The following MYT1L variants were observed in gnomAD, a reference collection of about 807,000 sequenced individuals.
MYT1L encodes the protein myelin transcription factor 1-like protein.
MYT1L carries 12 observed loss-of-function variants against 126.7 expected under a neutral mutation model. That is an observed-to-expected ratio of 0.09 (90% CI 0.06 to 0.15). The LOEUF is 0.15. Ranked by LOEUF, MYT1L falls within the 10% of genes least tolerant of loss-of-function variation. MYT1L has a pLI of 1.00. For synonymous variants in MYT1L, 541 were observed against 604.2 expected, an observed-to-expected ratio of 0.90 and a Z score of 1.53; for missense variants, 979 against 1,585.2, an observed-to-expected ratio of 0.62 and a Z score of 6.49.
chr2:1,991,921 T>C (rs1401640756), intron 5 of MYT1L, among the ~76,000 whole-genome samples: 1 of 152,134 alleles, frequency 6.6e-6, no homozygotes, highest in East Asian at 1.9e-4. Flanking sequence ...CCTGGTCCTT[T>C]CACCTCTCAG....
At chr2:2,070,397 G>T (rs901601556) in intron 3 of MYT1L, among the ~76,000 whole-genome samples, 1 of 152,180 alleles carries the variant, frequency 6.6e-6, no homozygotes, top group Admixed American at 6.5e-5. Context: ...TCAGGGTGGG[G>T]GAAGCCACTC....
intron 21 of MYT1L, among the ~76,000 whole-genome samples, chr2:1,815,333 C>T (rs2037453691): frequency 6.6e-6 from 1 of 152,190 alleles, no homozygotes; most frequent in Non-Finnish European, 1.5e-5. Flanking sequence ...AGGCCCCTTC[C>T]CCATCCTCTC....
chr2:2,307,661 C>A (rs965399063), intron 1 of MYT1L, among the ~76,000 whole-genome samples: 2 of 152,032 alleles, frequency 1.3e-5, no homozygotes, highest in Non-Finnish European at 2.9e-5. Flanking sequence ...GTACACTCTA[C>A]CTATACTCCA....
At chr2:2,291,690 G>A (rs926007815) in intron 1 of MYT1L, among the ~76,000 whole-genome samples, 6 of 152,234 alleles carry the variant, frequency 3.9e-5, no homozygotes, top group African/African-American at 1.4e-4. Flanking sequence ...GCGTACGCTG[G>A]GTGCGGTTGC....
chr2:2,281,274 A>G (rs2095442954), intron 2 of MYT1L, among the ~76,000 whole-genome samples: 1 of 152,194 alleles, frequency 6.6e-6, no homozygotes, highest in Admixed American at 6.5e-5. Flanking sequence ...AGACCTCCCA[A>G]GCCATGCAGA....
At chr2:2,099,344 G>T (rs200702221) in intron 3 of MYT1L, among the ~76,000 whole-genome samples, 3 of 144,490 alleles carry the variant, frequency 2.1e-5, no homozygotes, top group African/African-American at 2.5e-5. Context: ...AATGTCATTT[G>T]TTTTTTTTTT....
chr2:1,829,101 GC>G (rs1227415373), intron 21 of MYT1L, among the ~76,000 whole-genome samples: 1 of 152,118 alleles, frequency 6.6e-6, no homozygotes, highest in Non-Finnish European at 1.5e-5. Flanking sequence ...TCTACTGGCT[GC>G]CCAGCGCTTG....
chr2:2,275,243 T>TGTGC (rs1225551309), intron 2 of MYT1L, among the ~76,000 whole-genome samples: 2 of 148,906 alleles, frequency 1.3e-5, no homozygotes, highest in African/African-American at 5.0e-5. Flanking sequence ...TGTGTGTGTG[T>TGTGC]GTGCATGCCT....
intron 3 of MYT1L, among the ~76,000 whole-genome samples, chr2:2,082,902 G>A (rs945343148): frequency 7.2e-5 from 11 of 152,148 alleles, no homozygotes; most frequent in South Asian, 4.1e-4. Context: ...TAGAACAGAA[G>A]AACATCAGGC....
intron 2 of MYT1L, among the ~76,000 whole-genome samples, chr2:2,263,448 G>A (rs2095041224): frequency 6.6e-6 from 1 of 152,142 alleles, no homozygotes; most frequent in Non-Finnish European, 1.5e-5. Context: ...TGCCTGAACC[G>A]TGTGGCGCAG....
chr2:2,121,271 G>A (rs1237341778), intron 3 of MYT1L, among the ~76,000 whole-genome samples: 1 of 152,082 alleles, frequency 6.6e-6, no homozygotes, highest in Non-Finnish European at 1.5e-5. Flanking sequence ...TCCCGGGTCC[G>A]GGTTCAAGCA....
intron 3 of MYT1L, among the ~76,000 whole-genome samples, chr2:2,091,344 T>A (rs2150385598): frequency 6.6e-6 from 1 of 152,374 alleles, no homozygotes; most frequent in Non-Finnish European, 1.5e-5. Context: ...AGGCACACTG[T>A]CAATAAGCAG....
intron 19 of MYT1L, among the ~76,000 whole-genome samples, chr2:1,845,326 A>T (rs1038681575): frequency 6.6e-6 from 1 of 152,032 alleles, no homozygotes; most frequent in Non-Finnish European, 1.5e-5. Flanking sequence ...AATGAGTTGG[A>T]ACAGCTCATC....
rs1558517978 is a variant in MYT1L, at chr2:1,952,860, CCTTCTTTCCCT to C, written c.153-9537_153-9527del. ...CCCTTACCTTTGCCTTCCCTTACCT[CCTTCTTTCCCT>C]TCCCTCCTTCCTTCCCTTCCCTCCT... On this transcript the variant is annotated intron_variant, in intron 8 of 24. Coordinates refer to ENST00000647738, the MANE Select transcript of MYT1L (RefSeq NM_001303052.2). Among the ~76,000 whole-genome samples the C allele has an allele frequency of 5.5e-3, 366 of 66,642 alleles. 5 individuals carry two copies. Among genetic ancestry groups the C allele is most frequent in the African/African-American group, 0.011 (132 of 12,070 alleles). The allele number at this position is 66,642 out of a possible 152,430, so 43.7% of individuals were successfully genotyped here.
chr2:2,020,820 A>T (rs994143664), intron 4 of MYT1L, among the ~76,000 whole-genome samples: 1 of 152,200 alleles, frequency 6.6e-6, no homozygotes, highest in Non-Finnish European at 1.5e-5. Flanking sequence ...ATCCTTGCAT[A>T]TATTTGATTT....
chr2:2,111,520 A>G (rs1398327258), intron 3 of MYT1L, among the ~76,000 whole-genome samples: 1 of 152,216 alleles, frequency 6.6e-6, no homozygotes, highest in African/African-American at 2.4e-5. Context: ...ACTAATTTTG[A>G]GAATTTAGGG....
chr2:2,314,248 G>A (rs934944190), intron 1 of MYT1L, among the ~76,000 whole-genome samples: 8 of 152,124 alleles, frequency 5.3e-5, no homozygotes, highest in African/African-American at 1.9e-4. Context: ...GAAACTGCCT[G>A]CCATATATAT....
intron 2 of MYT1L, among the ~76,000 whole-genome samples, chr2:2,244,821 C>T (rs950021407): frequency 1.1e-4 from 17 of 152,218 alleles, no homozygotes; most frequent in African/African-American, 3.6e-4. Flanking sequence ...CAGGTTCTCC[C>T]TGCAAACTGA....
At chr2:2,047,624 C>A (rs887728374) in intron 4 of MYT1L, among the ~76,000 whole-genome samples, 11 of 152,132 alleles carry the variant, frequency 7.2e-5, no homozygotes, top group African/African-American at 2.4e-4. Flanking sequence ...AAGCTCAACA[C>A]CGATTTTTCA....
Sources: gnomAD v4.1 joint callset for allele counts (sites outside exome capture counted in the v4.1 genomes callset) on GRCh38, gnomAD v4.1.1 for gene constraint, MANE v1.5 for transcripts, NCBI Gene and HGNC (gene_info 2026-07-23, HGNC 2026-07-21) for gene names.